The following ST8SIA1 variants were observed in gnomAD, a reference collection of about 807,000 sequenced individuals.
ST8SIA1 encodes the protein alpha-N-acetylneuraminide alpha-2,8-sialyltransferase.
A neutral mutation model predicts 35.9 loss-of-function variants in ST8SIA1; 16 were observed. The ratio of observed to expected loss-of-function variants is 0.45; its 90% CI spans 0.30 to 0.68. The LOEUF is 0.68. ST8SIA1 is among the 30% of genes least tolerant of loss of function. The probability of loss-of-function intolerance (pLI) is 0.09; values close to 1 mark genes in which losing one functional copy is unlikely to be tolerated. For synonymous variants in ST8SIA1, 170 were observed against 169.6 expected (o/e 1.00, Z -0.02); for missense variants, 383 against 453.6 (o/e 0.84, Z 1.41).
intron 4 of ST8SIA1, among the ~76,000 whole-genome samples, chr12:22,227,399 C>T (rs1245366870): frequency 6.6e-6 from 1 of 151,862 alleles, no homozygotes; most frequent in Non-Finnish European, 1.5e-5. Context: ...CTCGGTGAAA[C>T]CCCATCTCTA....
chr12:22,325,319 C>A, intron 1 of ST8SIA1: 1 of 631,888 alleles, frequency 1.6e-6, no homozygotes. Context: ...ACCTGGAAAT[C>A]TCTGATAGTG....
At chr12:22,228,415 C>A (rs940365969) in intron 4 of ST8SIA1, among the ~76,000 whole-genome samples, 1 of 152,124 alleles carries the variant, frequency 6.6e-6, no homozygotes, top group African/African-American at 2.4e-5. Context: ...TTTTTCAGTT[C>A]TCTTGTAGAT....
intron 4 of ST8SIA1, among the ~76,000 whole-genome samples, chr12:22,218,226 AGACACAAGAATTGCTTGAACCTGGGAGG>A (rs968953246): frequency 2.6e-5 from 4 of 152,124 alleles, no homozygotes; most frequent in Non-Finnish European, 5.9e-5. Context: ...CAGGAGGCTG[AGACACAAGAATTGCTTGAACCTGGGAGG>A]CAGAGGTTGC....
At chr12:22,237,242 A>G (rs1255574157) in intron 4 of ST8SIA1, among the ~76,000 whole-genome samples, 1 of 151,978 alleles carries the variant, frequency 6.6e-6, no homozygotes, top group African/African-American at 2.4e-5. Context: ...AGCACTATAG[A>G]CGCCATGTCT....
chr12:22,313,360 G>A (rs936430928), intron 1 of ST8SIA1, among the ~76,000 whole-genome samples: 1 of 152,060 alleles, frequency 6.6e-6, no homozygotes, highest in South Asian at 2.1e-4. Flanking sequence ...AAAGCTCAGC[G>A]CAGTCAAGCT....
At chr12:22,276,316 T>C (rs1033070471) in intron 2 of ST8SIA1, among the ~76,000 whole-genome samples, 9 of 152,222 alleles carry the variant, frequency 5.9e-5, no homozygotes, top group African/African-American at 2.2e-4. Context: ...TAAAGACCCA[T>C]GTAACTAACT....
intron 1 of ST8SIA1, among the ~76,000 whole-genome samples, chr12:22,299,663 TA>T (rs1866294210): frequency 6.6e-6 from 1 of 152,170 alleles, no homozygotes; most frequent in African/African-American, 2.4e-5. Flanking sequence ...ACTAATACAC[TA>T]AAAAATTGAT....
chr12:22,302,018 G>C (rs1565590956), intron 1 of ST8SIA1, among the ~76,000 whole-genome samples: 1 of 152,036 alleles, frequency 6.6e-6, no homozygotes. Flanking sequence ...AATAATCTGG[G>C]CAATATAATA....
At chr12:22,213,304 T>C (rs538731502) in intron 4 of ST8SIA1, among the ~76,000 whole-genome samples, 29 of 152,348 alleles carry the variant, frequency 1.9e-4, no homozygotes, top group Non-Finnish European at 3.1e-4. Context: ...CTTTCTCTAC[T>C]ATAATACCTG....
chr12:22,211,043 C>T (rs1432351845), intron 4 of ST8SIA1, among the ~76,000 whole-genome samples: 1 of 152,210 alleles, frequency 6.6e-6, no homozygotes, highest in Non-Finnish European at 1.5e-5. Flanking sequence ...CTCTGAACCA[C>T]TTCTGATTCT....
chr12:22,263,163 A>C (rs948898542), intron 2 of ST8SIA1, among the ~76,000 whole-genome samples: 1 of 152,224 alleles, frequency 6.6e-6, no homozygotes, highest in Non-Finnish European at 1.5e-5. Context: ...CCAATTAAAT[A>C]TGTTTAATTT....
intron 4 of ST8SIA1, among the ~76,000 whole-genome samples, chr12:22,220,288 C>T (rs925295814): frequency 6.6e-6 from 1 of 151,848 alleles, no homozygotes; most frequent in African/African-American, 2.4e-5. Flanking sequence ...TTCCTCTTCA[C>T]AAAAGTAAAA....
intron 1 of ST8SIA1, among the ~76,000 whole-genome samples, chr12:22,314,718 C>T (rs1866496005): frequency 1.3e-5 from 2 of 152,106 alleles, no homozygotes; most frequent in Admixed American, 1.3e-4. Flanking sequence ...CATTCTATGC[C>T]ATTCCCATTG....
chr12:22,312,548 G>A (rs956039196), intron 1 of ST8SIA1, among the ~76,000 whole-genome samples: 9 of 151,874 alleles, frequency 5.9e-5, no homozygotes, highest in Non-Finnish European at 8.8e-5. Flanking sequence ...CACAATTGTC[G>A]GAAAAGACAT....
rs141248847 is a variant in ST8SIA1, at chr12:22,319,233, T to C, written c.236+14764A>G. 1.0e-2 allele frequency among the ~76,000 whole-genome samples: 1,516 copies of C among 152,332 alleles called. 24 individuals carry two copies. The highest frequency in any genetic ancestry group is 0.034 in the African/African-American group (1,429 of 41,576). On this transcript the variant is annotated intron_variant, in intron 1 of 4. Coordinates refer to ENST00000396037, the MANE Select transcript of ST8SIA1 (RefSeq NM_003034.4). ...GACACAAAATAAATAGCAACTCTATTACTGAAAATACTATCATTATTGTCT... is the reference window on the plus strand; with the variant it reads ...GACACAAAATAAATAGCAACTCTATCACTGAAAATACTATCATTATTGTCT...
intron 1 of ST8SIA1, among the ~76,000 whole-genome samples, chr12:22,318,711 A>G (rs1866548565): frequency 6.6e-6 from 1 of 152,212 alleles, no homozygotes; most frequent in African/African-American, 2.4e-5. Flanking sequence ...TGATTTTAAC[A>G]ATATCAAAAT....
At chr12:22,225,207 T>C (rs1190666478) in intron 4 of ST8SIA1, among the ~76,000 whole-genome samples, 1 of 152,174 alleles carries the variant, frequency 6.6e-6, no homozygotes, top group Non-Finnish European at 1.5e-5. Flanking sequence ...ATTTCTGTTG[T>C]TTTTGTGGTT....
At chr12:22,234,428 C>T (rs560383578) in intron 4 of ST8SIA1, among the ~76,000 whole-genome samples, 2 of 152,268 alleles carry the variant, frequency 1.3e-5, no homozygotes, top group South Asian at 4.1e-4. Flanking sequence ...CTACTTTCAT[C>T]TGCCTTGTCT....
At chr12:22,246,487 A>G (rs1045258100) in intron 4 of ST8SIA1, among the ~76,000 whole-genome samples, 6 of 151,830 alleles carry the variant, frequency 4.0e-5, no homozygotes, top group Admixed American at 1.3e-4. Context: ...ATCTTTAGAA[A>G]CTCCACAGTG....
Sources: allele counts gnomAD v4.1 joint callset (sites outside exome capture counted in the v4.1 genomes callset), GRCh38; gene constraint gnomAD v4.1.1; transcripts MANE v1.5; gene names NCBI Gene and HGNC (gene_info 2026-07-23, HGNC 2026-07-21).